The following SHOC2 variants were observed in gnomAD, a reference collection of about 807,000 sequenced individuals.
The protein encoded by SHOC2 is SHOC2 leucine rich repeat scaffold protein, also known as leucine-rich repeat protein SHOC-2.
Under a neutral mutation model 50.2 loss-of-function variants are expected in SHOC2, and 4 were observed. The ratio of observed to expected loss-of-function variants is 0.08; its 90% CI spans 0.04 to 0.18. SHOC2 has a LOEUF of 0.18. Among genes scored for constraint, SHOC2 ranks in the 10% least tolerant of loss-of-function variants. The pLI is 1.00. For missense variants in SHOC2, 388 were observed against 669.6 expected (o/e 0.58, Z 4.64); for synonymous variants, 218 against 244.5 (o/e 0.89, Z 1.01).
At chr10:110,990,381 G>A (rs1411515496) in intron 3 of SHOC2, among the ~76,000 whole-genome samples, 5 of 152,092 alleles carry the variant, frequency 3.3e-5, no homozygotes, top group Non-Finnish European at 7.3e-5. Context: ...TTTATGTCTA[G>A]CTCAGGGATT....
chr10:110,980,469 A>G (rs992914464), intron 2 of SHOC2, among the ~76,000 whole-genome samples: 4 of 151,934 alleles, frequency 2.6e-5, no homozygotes, highest in African/African-American at 9.7e-5. Context: ...TTGTTCACTC[A>G]CTTACTTCCA....
chr10:110,960,159 G>A (rs1361279363), intron 1 of SHOC2, among the ~76,000 whole-genome samples: 1 of 152,226 alleles, frequency 6.6e-6, no homozygotes, highest in Non-Finnish European at 1.5e-5. Context: ...ACTATGGCCT[G>A]ATGGCCAAAT....
intron 4 of SHOC2, among the ~76,000 whole-genome samples, chr10:111,003,107 T>C (rs6585027): frequency 0.76 from 114,983 of 152,088 alleles, 43,728 homozygotes; most frequent in Admixed American, 0.85. Flanking sequence ...GGTAGCTTCT[T>C]AAGGTACAGT....
chr10:110,983,822 T>C (rs1472819862), intron 2 of SHOC2, among the ~76,000 whole-genome samples: 5 of 152,232 alleles, frequency 3.3e-5, no homozygotes, highest in African/African-American at 1.2e-4. Flanking sequence ...TTTTCCAGGT[T>C]TATCCATGTT....
intron 2 of SHOC2, among the ~76,000 whole-genome samples, chr10:110,979,669 C>G (rs570727787): frequency 6.6e-6 from 1 of 152,296 alleles, no homozygotes; most frequent in South Asian, 2.1e-4. Flanking sequence ...TCTCTTAGGA[C>G]AAAAATGTTC....
rs1419820006 is a variant in SHOC2, at chr10:110,981,873, T to A, written c.704-3755T>A. Among the ~76,000 whole-genome samples, 430 of 116,504 alleles carry A rather than the reference T, an allele frequency of 3.7e-3. 3 individuals carry two copies. Among genetic ancestry groups the A allele is most frequent in the African/African-American group, 0.015 (386 of 25,174 alleles). The allele number at this position is 116,504 out of a possible 152,430, so 76.4% of individuals were successfully genotyped here. A position where few individuals can be genotyped will look rare whatever the true frequency, so the allele number is the denominator to read the frequency against. On this transcript the variant is annotated intron_variant, in intron 2 of 8. Transcript: ENST00000369452. ...TTATTTATTTATTTATTTATTTATTTTTTTAAGTTTTAGGGTACATGTGCA... is the reference window on the plus strand; with the variant it reads ...TTATTTATTTATTTATTTATTTATTATTTTAAGTTTTAGGGTACATGTGCA...
In SHOC2 at chr10:111,012,034, G is replaced by A. The variant is rs576218739; in HGVS notation, c.*216G>A. ...GTTTTCTTTGCTGAATTTGATGGAT[G>A]TTTTTCTGTTGTGTAATCTGATATG... is the stretch of plus-strand genomic sequence containing the variant. On this transcript the variant is annotated 3_prime_UTR_variant, in exon 9 of 9. Coordinates refer to ENST00000369452, the MANE Select transcript of SHOC2 (RefSeq NM_007373.4). 3 of 557,768 alleles carry A rather than the reference G, an allele frequency of 5.4e-6. No individual in the cohort carries two copies. In the South Asian group the frequency reaches 6.4e-5, roughly 12 times the overall value. The allele number at this position is 557,768 out of a possible 1,614,324, so 34.6% of individuals were successfully genotyped here. A position where few individuals can be genotyped will look rare whatever the true frequency, so the allele number is the denominator to read the frequency against.
chr10:110,976,534 A>G (rs950876210), intron 2 of SHOC2, among the ~76,000 whole-genome samples: 1 of 151,022 alleles, frequency 6.6e-6, no homozygotes, highest in Non-Finnish European at 1.5e-5. Flanking sequence ...TGGTCTTTAA[A>G]CTCCTGGGCT....
At chr10:110,961,650 G>C (rs1327556) in intron 1 of SHOC2, among the ~76,000 whole-genome samples, 2 of 151,952 alleles carry the variant, frequency 1.3e-5, no homozygotes, top group Admixed American at 1.3e-4. Context: ...GATGAGTTTG[G>C]GGGTCACTAG....
intron 2 of SHOC2, among the ~76,000 whole-genome samples, chr10:110,975,424 G>A (rs1705044553): frequency 6.6e-6 from 1 of 152,192 alleles, no homozygotes; most frequent in South Asian, 2.1e-4. Context: ...TTACAGGCGT[G>A]AGCCACTGCG....
intron 1 of SHOC2, among the ~76,000 whole-genome samples, chr10:110,939,574 C>T (rs569206299): frequency 6.6e-6 from 1 of 152,214 alleles, no homozygotes; most frequent in African/African-American, 2.4e-5. Flanking sequence ...GATATCGAGT[C>T]ATCCATATGA....
chr10:110,975,421 C>T (rs1435039102), intron 2 of SHOC2, among the ~76,000 whole-genome samples: 2 of 152,122 alleles, frequency 1.3e-5, no homozygotes, highest in Admixed American at 6.5e-5. Context: ...GGATTACAGG[C>T]GTGAGCCACT....
chr10:110,940,176 G>T (rs988684350), intron 1 of SHOC2, among the ~76,000 whole-genome samples: 4 of 152,244 alleles, frequency 2.6e-5, no homozygotes, highest in East Asian at 3.9e-4. Flanking sequence ...TAGACATGTG[G>T]ATTTTGTGTA....
At chr10:110,941,274 G>A (rs141617336) in intron 1 of SHOC2, among the ~76,000 whole-genome samples, 4 of 151,386 alleles carry the variant, frequency 2.6e-5, no homozygotes, top group Non-Finnish European at 5.9e-5. Flanking sequence ...CTCTTCTTCC[G>A]TGAAATGTCT....
At position 111,006,683 on chromosome 10, in the gene SHOC2, A is replaced by G. The variant is rs115359341; in HGVS notation, c.1162-848A>G. Among the ~76,000 whole-genome samples the G allele has an allele frequency of 5.2e-3, 792 of 152,322 alleles. 8 individuals are homozygous for G. Among genetic ancestry groups the G allele is most frequent in the African/African-American group, 0.018 (759 of 41,568 alleles). On this transcript the variant is annotated intron_variant, in intron 5 of 8. Transcript: ENST00000369452. ...CCACGCCCGGCCGCAAATTTTAAAG[A>G]TACAGATTAACATAAAGGATATAAA...
chr10:110,949,350 G>T (rs541602128), intron 1 of SHOC2, among the ~76,000 whole-genome samples: 2 of 152,176 alleles, frequency 1.3e-5, no homozygotes, highest in South Asian at 2.1e-4. Flanking sequence ...AGAAGAAATA[G>T]AAATTTTTTT....
intron 1 of SHOC2, among the ~76,000 whole-genome samples, chr10:110,929,492 T>G (rs1846845026): frequency 6.6e-6 from 1 of 152,236 alleles, no homozygotes; most frequent in Non-Finnish European, 1.5e-5. Context: ...CTTTATCTGC[T>G]TGAACTGCTA....
intron 2 of SHOC2, among the ~76,000 whole-genome samples, chr10:110,975,451 T>A (rs562088332): frequency 6.6e-6 from 1 of 152,222 alleles, no homozygotes. Flanking sequence ...CTATGTTACA[T>A]TTTTAATAGT....
chr10:110,991,902 C>G (rs1848192567), intron 3 of SHOC2, among the ~76,000 whole-genome samples: 1 of 152,162 alleles, frequency 6.6e-6, no homozygotes, highest in South Asian at 2.1e-4. Context: ...GAAAAACAAA[C>G]AGAAAGCCCA....
Sources: allele counts gnomAD v4.1 joint callset (sites outside exome capture counted in the v4.1 genomes callset), GRCh38; gene constraint gnomAD v4.1.1; transcripts MANE v1.5; gene names NCBI Gene and HGNC (gene_info 2026-07-23, HGNC 2026-07-21).